The following GLMN variants were observed in gnomAD, a reference collection of about 807,000 sequenced individuals.
GLMN encodes the protein glomulin.
In GLMN, 75 loss-of-function variants were observed where a neutral mutation model predicts 87.8. That is an observed-to-expected ratio of 0.85 (90% CI 0.71 to 1.04). The LOEUF (loss-of-function observed/expected upper bound fraction) is 1.04, where lower values mean the gene tolerates loss of function less well. Ranked by LOEUF, GLMN falls within the 50% of genes least tolerant of loss-of-function variation. The pLI is 0.00. For synonymous variants in GLMN, 206 were observed against 221.6 expected (o/e 0.93, Z 0.63); for missense variants, 588 against 658.8 (o/e 0.89, Z 1.18).
the GLMN span, among the ~76,000 whole-genome samples, chr1:92,322,708 C>A: frequency 1.3e-5 from 2 of 151,362 alleles, no homozygotes. Context: ...AACTCCATCT[C>A]TACTAAAAAA....
chr1:92,324,964 G>A, the GLMN span, among the ~76,000 whole-genome samples: 42 of 152,220 alleles, frequency 2.8e-4, 1 homozygote, highest in South Asian at 8.3e-3. Context: ...TGGTCTGTTT[G>A]CTCATCTGTA....
At chr1:92,272,399 C>T (rs550004425) in intron 7 of GLMN, among the ~76,000 whole-genome samples, 3 of 152,232 alleles carry the variant, frequency 2.0e-5, no homozygotes, top group South Asian at 4.1e-4. Context: ...ACAGCAAAAT[C>T]GTATTTTACA....
intron 7 of GLMN, among the ~76,000 whole-genome samples, chr1:92,276,041 G>C (rs1483922553): frequency 6.6e-6 from 1 of 152,034 alleles, no homozygotes; most frequent in East Asian, 1.9e-4. Flanking sequence ...GTACAACATA[G>C]TGAGACTTCA....
At position 92,246,627 on chromosome 1, in the gene GLMN, A is replaced by G. The variant is rs761180709; in HGVS notation, c.1688T>C (p.Phe563Ser). 1.5e-5 allele frequency: 24 copies of G among 1,579,542 alleles called. No individual in the cohort carries two copies. The African/African-American group carries it at 2.0e-4, about 13-fold the overall frequency. ...MQLKVLHSAL[F>S]TFDLIESVLA... ...AACACTTTCAATCAAATCAAATGTG[A>G]AAAGAGCTGAATGCAGGACCTGCAA... Residue 563 changes from phenylalanine (F) to serine (S), a missense_variant, in exon 19 of 19, where the codon TTC becomes TCC. Phe to Ser is a radical substitution (Grantham distance 155). Coordinates refer to ENST00000370360, the MANE Select transcript of GLMN (RefSeq NM_053274.3).
chr1:92,304,370 T>A, the GLMN span: 1 of 1,408,920 alleles, frequency 7.1e-7, no homozygotes, highest in South Asian at 1.3e-5. Context: ...AGGCTTTCAT[T>A]GTGGCAATTA....
At chr1:92,355,414 A>G in the GLMN span, among the ~76,000 whole-genome samples, 1 of 152,148 alleles carries the variant, frequency 6.6e-6, no homozygotes, top group African/African-American at 2.4e-5. Flanking sequence ...AAAGTAAGAA[A>G]CTGTTTTCAT....
At chr1:92,256,820 A>G (rs925800614) in intron 16 of GLMN, among the ~76,000 whole-genome samples, 3 of 152,210 alleles carry the variant, frequency 2.0e-5, no homozygotes, top group South Asian at 2.1e-4. Context: ...CAAAAACTGG[A>G]AGCATTCCCT....
chr1:92,269,804 T>C, intron 8 of GLMN, 28 bp from the exon 9 acceptor site: 2 of 1,308,060 alleles, frequency 1.5e-6, no homozygotes, highest in Non-Finnish European at 2.2e-6. Flanking sequence ...CAAATATATA[T>C]ATTATACACA....
upstream of GLMN, among the ~76,000 whole-genome samples, chr1:92,303,384 G>C (rs953202799): frequency 2.0e-5 from 3 of 152,062 alleles, no homozygotes; most frequent in Non-Finnish European, 4.4e-5. Flanking sequence ...AGATCTCAAA[G>C]TTATGAACAA....
chr1:92,361,302 T>C, the GLMN span, among the ~76,000 whole-genome samples: 2 of 152,110 alleles, frequency 1.3e-5, no homozygotes, highest in African/African-American at 4.8e-5. Flanking sequence ...ATAATCTCCA[T>C]GCAGTCAAAT....
intron 4 of GLMN, among the ~76,000 whole-genome samples, chr1:92,290,847 T>C (rs993574083): frequency 6.6e-6 from 1 of 152,202 alleles, no homozygotes; most frequent in African/African-American, 2.4e-5. Flanking sequence ...TAATATACTT[T>C]TTCTCAGAAT....
the GLMN span, among the ~76,000 whole-genome samples, chr1:92,327,227 T>G: frequency 6.6e-6 from 1 of 152,338 alleles, no homozygotes; most frequent in South Asian, 2.1e-4. Context: ...GAACAGGTCT[T>G]GATGACCTGT....
upstream of GLMN, chr1:92,300,067 G>A: frequency 1.5e-6 from 1 of 652,692 alleles, no homozygotes; most frequent in Non-Finnish European, 2.7e-6. Flanking sequence ...GTAGGCAACT[G>A]TATATCTAAA....
chr1:92,345,509 A>G, the GLMN span, among the ~76,000 whole-genome samples: 1 of 151,952 alleles, frequency 6.6e-6, no homozygotes, highest in East Asian at 1.9e-4. Context: ...AGGGGAAAGC[A>G]TAGAGAATAT....
the GLMN span, among the ~76,000 whole-genome samples, chr1:92,306,641 A>G: frequency 6.6e-6 from 1 of 151,960 alleles, no homozygotes; most frequent in Non-Finnish European, 1.5e-5. Flanking sequence ...GAGAGAAGAT[A>G]GAGACCAGCC....
chr1:92,285,276 A>G (rs1648591912), intron 7 of GLMN, among the ~76,000 whole-genome samples: 1 of 152,222 alleles, frequency 6.6e-6, no homozygotes, highest in South Asian at 2.1e-4. Flanking sequence ...ATGGAATACT[A>G]TGCAGCCATT....
the GLMN span, among the ~76,000 whole-genome samples, chr1:92,361,308 C>A: frequency 6.6e-6 from 1 of 152,044 alleles, no homozygotes; most frequent in Non-Finnish European, 1.5e-5. Context: ...TCCATGCAGT[C>A]AAATACATTG....
chr1:92,362,688 T>G, the GLMN span, among the ~76,000 whole-genome samples: 5 of 152,206 alleles, frequency 3.3e-5, no homozygotes, highest in Non-Finnish European at 7.3e-5. Flanking sequence ...TTACAGTAAT[T>G]GAATCTCCAG....
At chr1:92,320,752 C>CA in the GLMN span, 22 of 644,908 alleles carry the variant, frequency 3.4e-5, no homozygotes, top group Non-Finnish European at 5.1e-5. Flanking sequence ...GTAAGTGTCC[C>CA]ATTCTAGCCC....
Sources: allele counts gnomAD v4.1 joint callset (sites outside exome capture counted in the v4.1 genomes callset), GRCh38; gene constraint gnomAD v4.1.1; transcripts MANE v1.5; gene names NCBI Gene and HGNC (gene_info 2026-07-23, HGNC 2026-07-21).